The following KHDRBS2 variants were observed in gnomAD, a reference collection of about 807,000 sequenced individuals.
KHDRBS2 encodes KH RNA binding domain containing, signal transduction associated 2.
In KHDRBS2, 26 loss-of-function variants were observed where a neutral mutation model predicts 44.3. The ratio of observed to expected loss-of-function variants is 0.59; its 90% CI spans 0.43 to 0.81. The LOEUF (loss-of-function observed/expected upper bound fraction) is 0.81, where lower values mean the gene tolerates loss of function less well. Among genes scored for constraint, KHDRBS2 ranks in the 40% least tolerant of loss-of-function variants. The pLI, the probability that KHDRBS2 is intolerant of heterozygous loss-of-function variation, is 0.00. For synonymous variants in KHDRBS2, 194 were observed against 151.1 expected, an observed-to-expected ratio of 1.28 and a Z score of -2.08; for missense variants, 476 against 433.1, an observed-to-expected ratio of 1.10 and a Z score of -0.88.
chr6:62,002,360 T>C (rs574397197), intron 3 of KHDRBS2, among the ~76,000 whole-genome samples: 24 of 152,120 alleles, frequency 1.6e-4, no homozygotes, highest in African/African-American at 5.1e-4. Flanking sequence ...TTATTTATTA[T>C]ATATCTGTGC....
chr6:62,087,900 C>CT (rs1356451388), intron 2 of KHDRBS2, among the ~76,000 whole-genome samples: 1 of 152,062 alleles, frequency 6.6e-6, no homozygotes, highest in East Asian at 1.9e-4. Context: ...CCTTTTCATT[C>CT]TTTTTTCTCT....
the KHDRBS2 span, among the ~76,000 whole-genome samples, chr6:61,643,890 T>C: frequency 2.0e-5 from 3 of 152,026 alleles, no homozygotes; most frequent in African/African-American, 7.2e-5. Context: ...CAAAAGCAAT[T>C]TACAGATTCA....
At position 62,255,514 on chromosome 6, in the gene KHDRBS2, G is replaced by A. The variant is rs189357938; in HGVS notation, c.91+30344C>T. Among the ~76,000 whole-genome samples, 298 of 144,616 alleles carry A rather than the reference G, an allele frequency of 2.1e-3. 2 individuals are homozygous for A. The highest frequency in any genetic ancestry group is 7.7e-3 in the African/African-American group (289 of 37,450). 94.9% of individuals were successfully genotyped at this position (144,616 alleles called of 152,430 possible). A position where few individuals can be genotyped will look rare whatever the true frequency, so the allele number is the denominator to read the frequency against. On this transcript the variant is annotated intron_variant, in intron 1 of 8. Transcript: ENST00000281156. ...TGCACTAGCTGCAGAGCAGGGAGTC[G>A]AACTCTCACAGTTCAAAGGAAGTAA...
chr6:61,623,408 G>A, the KHDRBS2 span, among the ~76,000 whole-genome samples: 1 of 152,130 alleles, frequency 6.6e-6, no homozygotes, highest in East Asian at 1.9e-4. Flanking sequence ...GGTCTCTGGA[G>A]TTCTGGAGCC....
chr6:61,775,740 G>A (rs541498541), intron 6 of KHDRBS2, among the ~76,000 whole-genome samples: 10 of 152,256 alleles, frequency 6.6e-5, no homozygotes, highest in Admixed American at 6.5e-4. Flanking sequence ...CAGATTCAAT[G>A]CCATCCCCAT....
the KHDRBS2 span, among the ~76,000 whole-genome samples, chr6:61,601,607 G>T: frequency 2.0e-5 from 3 of 152,040 alleles, no homozygotes; most frequent in African/African-American, 7.2e-5. Flanking sequence ...CCTAGTCTCT[G>T]TTCCCAATGC....
At chr6:62,076,844 A>G (rs568452745) in intron 2 of KHDRBS2, among the ~76,000 whole-genome samples, 1 of 152,102 alleles carries the variant, frequency 6.6e-6, no homozygotes, top group South Asian at 2.1e-4. Context: ...TAGGAGTTTG[A>G]GACCAGCTTG....
chr6:61,774,377 G>A (rs561543947), intron 6 of KHDRBS2, among the ~76,000 whole-genome samples: 3 of 151,574 alleles, frequency 2.0e-5, no homozygotes, highest in South Asian at 2.1e-4. Flanking sequence ...CCGATGACAT[G>A]ATTGTATATC....
At chr6:61,543,802 C>A in the KHDRBS2 span, among the ~76,000 whole-genome samples, 1 of 152,096 alleles carries the variant, frequency 6.6e-6, no homozygotes, top group South Asian at 2.1e-4. Flanking sequence ...GTTTGCAATA[C>A]CATGGATGGA....
chr6:62,126,275 G>C (rs1012502485), intron 2 of KHDRBS2, among the ~76,000 whole-genome samples: 1 of 152,200 alleles, frequency 6.6e-6, no homozygotes, highest in Admixed American at 6.5e-5. Flanking sequence ...GAAAAAAGGA[G>C]GGAAATGTGG....
intron 3 of KHDRBS2, among the ~76,000 whole-genome samples, chr6:62,021,373 A>G (rs879858958): frequency 2.1e-4 from 32 of 152,004 alleles, no homozygotes; most frequent in Non-Finnish European, 4.1e-4. Context: ...AGGTTTACCT[A>G]TATAACAAAC....
At chr6:61,743,994 G>A (rs1206879007) in intron 6 of KHDRBS2, among the ~76,000 whole-genome samples, 1 of 152,006 alleles carries the variant, frequency 6.6e-6, no homozygotes, top group Non-Finnish European at 1.5e-5. Flanking sequence ...ATTCCATGGT[G>A]TATATGTGCC....
chr6:62,195,483 T>A (rs1284748596), intron 1 of KHDRBS2, among the ~76,000 whole-genome samples: 1 of 152,190 alleles, frequency 6.6e-6, no homozygotes, highest in Non-Finnish European at 1.5e-5. Context: ...AAGCAATGGC[T>A]GAATGAGAAA....
intron 1 of KHDRBS2, among the ~76,000 whole-genome samples, chr6:62,194,467 T>TTTTC (rs1825237078): frequency 1.3e-5 from 2 of 148,464 alleles, no homozygotes; most frequent in Non-Finnish European, 3.0e-5. Flanking sequence ...CTTTCTTTTC[T>TTTTC]TTTCTTTTCT....
At chr6:62,174,084 A>AATAAG (rs1010379693) in intron 2 of KHDRBS2, among the ~76,000 whole-genome samples, 2 of 151,902 alleles carry the variant, frequency 1.3e-5, no homozygotes, top group African/African-American at 4.8e-5. Context: ...AGAATAAATA[A>AATAAG]AAGACATGCA....
chr6:62,263,291 T>G (rs1385905266), intron 1 of KHDRBS2, among the ~76,000 whole-genome samples: 1 of 147,376 alleles, frequency 6.8e-6, no homozygotes, highest in African/African-American at 2.6e-5. Context: ...ATGGAATATT[T>G]TAATGCTTTT....
chr6:62,069,054 T>C (rs1256416992), intron 2 of KHDRBS2, among the ~76,000 whole-genome samples: 1 of 151,582 alleles, frequency 6.6e-6, no homozygotes, highest in Admixed American at 6.6e-5. Context: ...ACAGATTGGA[T>C]TGAAATTGTC....
chr6:62,107,867 G>C (rs1366136242), intron 2 of KHDRBS2, among the ~76,000 whole-genome samples: 1 of 152,128 alleles, frequency 6.6e-6, no homozygotes, highest in South Asian at 2.1e-4. Flanking sequence ...TTAATGAATG[G>C]TGCTGGGAAA....
chr6:62,051,804 T>C (rs1158907551), intron 2 of KHDRBS2, among the ~76,000 whole-genome samples: 1 of 151,896 alleles, frequency 6.6e-6, no homozygotes, highest in Non-Finnish European at 1.5e-5. Flanking sequence ...GAAAAACCGA[T>C]TTAAAAATGG....
Sources: gnomAD v4.1 joint callset for allele counts (sites outside exome capture counted in the v4.1 genomes callset) on GRCh38, gnomAD v4.1.1 for gene constraint, MANE v1.5 for transcripts, NCBI Gene and HGNC (gene_info 2026-07-23, HGNC 2026-07-21) for gene names.